The following PRKAR2B variants were observed in gnomAD, a reference collection of about 807,000 sequenced individuals.
The protein encoded by PRKAR2B is cAMP-dependent protein kinase type II-beta regulatory subunit.
Under a neutral mutation model 49.9 loss-of-function variants are expected in PRKAR2B, and 14 were observed. The observed-to-expected ratio is 0.28, with a 90% CI of 0.19 to 0.44. The LOEUF is 0.44. Ranked by LOEUF, PRKAR2B falls within the 20% of genes least tolerant of loss-of-function variation. PRKAR2B has a pLI of 1.00. For synonymous variants in PRKAR2B, 196 were observed against 197.7 expected, an observed-to-expected ratio of 0.99 and a Z score of 0.07; for missense variants, 393 against 537.9, an observed-to-expected ratio of 0.73 and a Z score of 2.67.
rs541218374 is a variant in PRKAR2B, at chr7:107,074,624, C to T, written c.343+4308C>T. On this transcript the variant is annotated intron_variant, in intron 2 of 10. Coordinates refer to ENST00000265717, the MANE Select transcript of PRKAR2B (RefSeq NM_002736.3). ...CACCAGCCTGGCCAACATGGTGAAA[C>T]GCTGTCTCTACTAAAAATACAAAAA... Among the ~76,000 whole-genome samples the T allele has an allele frequency of 7.8e-4, 119 of 151,906 alleles. 1 individual carries two copies. The highest frequency in any genetic ancestry group is 1.2e-3 in the Non-Finnish European group (81 of 67,968).
At chr7:107,122,135 T>C (rs1355426488) in intron 3 of PRKAR2B, 131 bp downstream of exon 3, 2 of 507,414 alleles carry the variant, frequency 3.9e-6, no homozygotes, top group African/African-American at 4.0e-5. Context: ...GACTGTTTCT[T>C]TTCCTAGTCT....
intron 2 of PRKAR2B, among the ~76,000 whole-genome samples, chr7:107,074,372 G>A (rs1170816431): frequency 6.6e-6 from 1 of 152,036 alleles, no homozygotes; most frequent in Non-Finnish European, 1.5e-5. Flanking sequence ...CCAAAGTGCT[G>A]GGATTATAGG....
intron 3 of PRKAR2B, among the ~76,000 whole-genome samples, chr7:107,124,451 C>T (rs2115592487): frequency 6.6e-6 from 1 of 152,288 alleles, no homozygotes; most frequent in Admixed American, 6.5e-5. Context: ...AGTTAAAAAA[C>T]ATGAAGTGCT....
At chr7:107,093,323 A>G (rs776023621) in intron 2 of PRKAR2B, among the ~76,000 whole-genome samples, 9 of 152,112 alleles carry the variant, frequency 5.9e-5, no homozygotes, top group Non-Finnish European at 1.3e-4. Context: ...GCACCATTTT[A>G]CATTCCCACT....
At chr7:107,115,272 CAG>C (rs1334030572) in intron 2 of PRKAR2B, among the ~76,000 whole-genome samples, 3 of 151,988 alleles carry the variant, frequency 2.0e-5, no homozygotes, top group African/African-American at 7.2e-5. Context: ...CAGGGTTATA[CAG>C]TTAAGTATCT....
At chr7:107,064,396 C>T (rs982699380) in intron 1 of PRKAR2B, among the ~76,000 whole-genome samples, 8 of 152,146 alleles carry the variant, frequency 5.3e-5, no homozygotes, top group Non-Finnish European at 1.0e-4. Context: ...GCAGAAGGAG[C>T]ATCGATATTT....
At chr7:107,134,995 A>G (rs1183807464) in intron 4 of PRKAR2B, among the ~76,000 whole-genome samples, 5 of 152,206 alleles carry the variant, frequency 3.3e-5, no homozygotes, top group Admixed American at 3.3e-4. Flanking sequence ...ACACAGATGT[A>G]ACATTTTTGT....
At chr7:107,059,436 G>A (rs1309493023) in intron 1 of PRKAR2B, among the ~76,000 whole-genome samples, 1 of 151,926 alleles carries the variant, frequency 6.6e-6, no homozygotes, top group Admixed American at 6.6e-5. Flanking sequence ...TGGTTTTGTA[G>A]TATTACTACA....
intron 5 of PRKAR2B, among the ~76,000 whole-genome samples, chr7:107,143,552 T>G (rs1393685270): frequency 6.6e-6 from 1 of 152,226 alleles, no homozygotes; most frequent in Admixed American, 6.5e-5. Context: ...TAGTTTTTAC[T>G]GTGTTAATGG....
chr7:107,156,928 ATTG>A (rs1172703078), intron 8 of PRKAR2B, 53 bp from the exon 9 acceptor site: 7 of 1,440,144 alleles, frequency 4.9e-6, no homozygotes, highest in Non-Finnish European at 5.9e-6. Flanking sequence ...AGGTAACAAG[ATTG>A]TTGTCAATTA....
chr7:107,089,841 C>A (rs1458874239), intron 2 of PRKAR2B, among the ~76,000 whole-genome samples: 2 of 152,222 alleles, frequency 1.3e-5, no homozygotes, highest in African/African-American at 4.8e-5. Flanking sequence ...CATGGACACT[C>A]CTTTCAGAAC....
chr7:107,069,249 T>C (rs1562845757), intron 1 of PRKAR2B, among the ~76,000 whole-genome samples: 1 of 152,206 alleles, frequency 6.6e-6, no homozygotes, highest in African/African-American at 2.4e-5. Context: ...GGTGCTGATA[T>C]TTGATAGCAT....
At chr7:107,048,426 A>G (rs1562838921) in intron 1 of PRKAR2B, among the ~76,000 whole-genome samples, 1 of 151,682 alleles carries the variant, frequency 6.6e-6, no homozygotes, top group Admixed American at 6.6e-5. Flanking sequence ...ATGCTGATGG[A>G]TTTGCATTGT....
chr7:107,070,767 GT>G (rs899567462), intron 2 of PRKAR2B, among the ~76,000 whole-genome samples: 1 of 152,126 alleles, frequency 6.6e-6, no homozygotes, highest in African/African-American at 2.4e-5. Flanking sequence ...TCATAAGAGG[GT>G]TTTTAATAAG....
intron 1 of PRKAR2B, among the ~76,000 whole-genome samples, chr7:107,058,471 C>T (rs1019727450): frequency 2.6e-5 from 4 of 152,092 alleles, no homozygotes; most frequent in African/African-American, 9.7e-5. Flanking sequence ...ACTTATAATT[C>T]TGTACTTATT....
intron 3 of PRKAR2B, among the ~76,000 whole-genome samples, chr7:107,125,811 G>A (rs761112183): frequency 4.6e-5 from 7 of 152,046 alleles, no homozygotes; most frequent in Non-Finnish European, 8.8e-5. Flanking sequence ...TGATTGGGCT[G>A]GGTGCAGCGG....
intron 7 of PRKAR2B, 110 bp downstream of exon 7, chr7:107,151,133 G>C: frequency 1.7e-6 from 1 of 572,278 alleles, no homozygotes. Context: ...ATCTATCCAT[G>C]TTTTTATTTG....
chr7:107,058,167 A>G (rs1384234971), intron 1 of PRKAR2B, among the ~76,000 whole-genome samples: 2 of 152,200 alleles, frequency 1.3e-5, no homozygotes, highest in Non-Finnish European at 2.9e-5. Context: ...GTGTGTGTAC[A>G]CAGTCTCCAA....
intron 2 of PRKAR2B, among the ~76,000 whole-genome samples, chr7:107,095,486 C>A (rs74541001): frequency 0.39 from 59,794 of 151,924 alleles, 14,434 homozygotes; most frequent in Non-Finnish European, 0.51. Context: ...TAATTGAATA[C>A]CCTTTATTTC....
Sources: gnomAD v4.1 joint callset for allele counts (sites outside exome capture counted in the v4.1 genomes callset) on GRCh38, gnomAD v4.1.1 for gene constraint, MANE v1.5 for transcripts, NCBI Gene and HGNC (gene_info 2026-07-23, HGNC 2026-07-21) for gene names.